NPSR1: variants seen among roughly 807,000 people sequenced by gnomAD.
The protein encoded by NPSR1 is neuropeptide S receptor 1, also known as neuropeptide S receptor.
In NPSR1, 48 loss-of-function variants were observed where a neutral mutation model predicts 46.9. The ratio of observed to expected loss-of-function variants is 1.02; its 90% CI spans 0.81 to 1.30. The LOEUF is 1.30. Ranked by LOEUF, NPSR1 falls within the 50% of genes most tolerant of loss-of-function variation. The probability of loss-of-function intolerance (pLI) is 0.00; values close to 1 mark genes in which losing one functional copy is unlikely to be tolerated. For missense variants in NPSR1, 450 were observed against 449.5 expected (o/e 1.00, Z -0.01); for synonymous variants, 176 against 168.1 (o/e 1.05, Z -0.36).
intron 2 of NPSR1, among the ~76,000 whole-genome samples, chr7:34,766,507 C>A (rs1435141099): frequency 6.6e-6 from 1 of 152,002 alleles, no homozygotes; most frequent in South Asian, 2.1e-4. Context: ...CAATTTAAAA[C>A]TATTCGGCAA....
intron 2 of NPSR1, among the ~76,000 whole-genome samples, chr7:34,755,065 T>C (rs1385165994): frequency 6.6e-6 from 1 of 152,236 alleles, no homozygotes; most frequent in Non-Finnish European, 1.5e-5. Flanking sequence ...CTTTTGGCTC[T>C]TAGGAATAAA....
At chr7:34,827,277 C>T in intron 4 of NPSR1, 124 bp from the exon 5 acceptor site, 1 of 688,280 alleles carries the variant, frequency 1.5e-6, no homozygotes, top group East Asian at 2.7e-5. Flanking sequence ...GAAACTGAGG[C>T]TCTGGGAGGT....
chr7:34,673,061 T>G (rs1792136248), intron 1 of NPSR1, among the ~76,000 whole-genome samples: 1 of 152,208 alleles, frequency 6.6e-6, no homozygotes. Flanking sequence ...ACTTCTTAGC[T>G]TGGCTACTTC....
chr7:34,720,190 G>C (rs1783780782), intron 2 of NPSR1, among the ~76,000 whole-genome samples: 1 of 151,386 alleles, frequency 6.6e-6, no homozygotes, highest in Admixed American at 6.6e-5. Context: ...TGAGGGAGGA[G>C]AATCGCTTGA....
chr7:34,757,355 A>G (rs1433474994), intron 2 of NPSR1, among the ~76,000 whole-genome samples: 1 of 152,188 alleles, frequency 6.6e-6, no homozygotes, highest in East Asian at 1.9e-4. Context: ...TGTGCACAGT[A>G]GGCAGTTTGG....
At chr7:34,701,550 A>G (rs10259175) in intron 2 of NPSR1, among the ~76,000 whole-genome samples, 59,003 of 151,998 alleles carry the variant, frequency 0.39, 12,233 homozygotes, top group African/African-American at 0.52. Flanking sequence ...TGAACATAAT[A>G]TTAAAATGAA....
At position 34,658,264 on chromosome 7, in the gene NPSR1, G is replaced by A; in HGVS notation, c.-149G>A. 2 of 766,328 alleles carry A rather than the reference G, an allele frequency of 2.6e-6. No individual in the cohort carries two copies. The highest frequency in any genetic ancestry group is 4.2e-6 in the Non-Finnish European group (2 of 477,892). 47.5% of individuals were successfully genotyped at this position (766,328 alleles called of 1,614,324 possible). A position where few individuals can be genotyped will look rare whatever the true frequency, so the allele number is the denominator to read the frequency against. On this transcript the variant is annotated 5_prime_UTR_variant, in exon 1 of 9. Coordinates refer to ENST00000360581, the MANE Select transcript of NPSR1 (RefSeq NM_207172.2). ...AGCACGTAGATCCTCCCTGTCATCA[G>A]GCAGAGCTCTTCAGTGAGGTGGGCT...
At chr7:34,815,593 T>G (rs975556910) in intron 4 of NPSR1, among the ~76,000 whole-genome samples, 2 of 152,008 alleles carry the variant, frequency 1.3e-5, no homozygotes, top group African/African-American at 2.4e-5. Context: ...TCCTCGAGAA[T>G]AGCAACCCCA....
chr7:34,849,219 A>C, intron 8 of NPSR1: 1 of 743,412 alleles, frequency 1.3e-6, no homozygotes, highest in Non-Finnish European at 2.3e-6. Flanking sequence ...GCTTAATGCC[A>C]GTGGTTGAAG....
At chr7:34,665,385 C>A (rs1473640492) in intron 1 of NPSR1, among the ~76,000 whole-genome samples, 1 of 152,144 alleles carries the variant, frequency 6.6e-6, no homozygotes, top group African/African-American at 2.4e-5. Flanking sequence ...GAATTAATTA[C>A]CTCAATAGGC....
chr7:34,703,396 A>G (rs1793944729), intron 2 of NPSR1, among the ~76,000 whole-genome samples: 1 of 134,944 alleles, frequency 7.4e-6, no homozygotes, highest in Non-Finnish European at 1.6e-5. Context: ...ATAAATAAAT[A>G]AATAAATAAA....
intron 2 of NPSR1, chr7:34,753,695 G>A (rs1307915420): frequency 1.3e-5 from 2 of 152,014 alleles, no homozygotes; most frequent in African/African-American, 4.8e-5. Context: ...ACTACAATGT[G>A]AGCAACATAA....
chr7:34,803,448 T>G lies in NPSR1; in HGVS notation c.385-8322T>G, dbSNP rs192518451. On this transcript the variant is annotated intron_variant, in intron 3 of 8. Coordinates refer to ENST00000360581, the MANE Select transcript of NPSR1 (RefSeq NM_207172.2). ...TGGATGAAATTGGAAATCATCATTC[T>G]CAGTAAACTATCGCAAGGACAAAAA... Among the ~76,000 whole-genome samples, 611 of 152,082 alleles carry G rather than the reference T, an allele frequency of 4.0e-3. 3 individuals are homozygous for G. Among genetic ancestry groups the G allele is most frequent in the Non-Finnish European group, 7.1e-3 (484 of 68,006 alleles).
intron 8 of NPSR1, among the ~76,000 whole-genome samples, chr7:34,871,039 T>C (rs760122726): frequency 1.3e-5 from 2 of 151,798 alleles, no homozygotes; most frequent in Non-Finnish European, 1.5e-5. Flanking sequence ...GAGATTATAT[T>C]AGGCCATTCT....
At chr7:34,877,937 T>C in intron 8 of NPSR1, 1 of 558,562 alleles carries the variant, frequency 1.8e-6, no homozygotes, top group African/African-American at 1.9e-5. Context: ...TGGTATTAAG[T>C]ACAAAGTGAA....
intron 1 of NPSR1, among the ~76,000 whole-genome samples, chr7:34,664,197 G>A (rs1791620682): frequency 6.6e-6 from 1 of 152,178 alleles, no homozygotes; most frequent in South Asian, 2.1e-4. Context: ...CAGAGAGCAG[G>A]CTTTAGAGCC....
chr7:34,699,281 A>G (rs1189391396), intron 2 of NPSR1, among the ~76,000 whole-genome samples: 1 of 152,200 alleles, frequency 6.6e-6, no homozygotes, highest in South Asian at 2.1e-4. Flanking sequence ...GGAGTTCAAG[A>G]CCAGCCTGAG....
rs373602981 is a variant in NPSR1, at chr7:34,849,225, TGAA to T, written c.1026-338_1026-336del. On this transcript the variant is annotated intron_variant, in intron 8 of 8. Coordinates refer to ENST00000360581, the MANE Select transcript of NPSR1 (RefSeq NM_207172.2). The stretch of plus-strand genomic sequence containing the variant: ...AAGTCTTGGGCTTAATGCCAGTGGT[TGAA>T]GTTTATATCTTGCCATTGTTTATTC... 348 of 794,534 alleles carry T rather than the reference TGAA, an allele frequency of 4.4e-4. No homozygotes were observed. In the East Asian group the frequency reaches 8.9e-3, roughly 20 times the overall value. The allele number at this position is 794,534 out of a possible 1,614,324, so 49.2% of individuals were successfully genotyped here. A position where few individuals can be genotyped will look rare whatever the true frequency, so the allele number is the denominator to read the frequency against.
intron 1 of NPSR1, among the ~76,000 whole-genome samples, chr7:34,683,288 CA>C (rs948207003): frequency 3.3e-5 from 5 of 150,362 alleles, no homozygotes; most frequent in African/African-American, 7.3e-5. Context: ...CTAAAAAATA[CA>C]AAAAAAAATT....
Sources: allele counts gnomAD v4.1 joint callset (sites outside exome capture counted in the v4.1 genomes callset), GRCh38; gene constraint gnomAD v4.1.1; transcripts MANE v1.5; gene names NCBI Gene and HGNC (gene_info 2026-07-23, HGNC 2026-07-21).